The following SCN2A variants were observed in gnomAD, a reference collection of about 807,000 sequenced individuals.
The protein encoded by SCN2A is sodium channel protein type 2 subunit alpha.
In SCN2A, 20 loss-of-function variants were observed where a neutral mutation model predicts 188.7. That is an observed-to-expected ratio of 0.11 (90% CI 0.07 to 0.15). The LOEUF is 0.15. Among genes scored for constraint, SCN2A ranks in the 10% least tolerant of loss-of-function variants. The pLI is 1.00. For synonymous variants in SCN2A, 804 were observed against 833.1 expected (o/e 0.97, Z 0.60); for missense variants, 1,278 against 2,445.0 (o/e 0.52, Z 10.07).
rs1364133936 is a variant in SCN2A at position 165,392,295 on chromosome 2, T to C, written c.*2471T>C. On this transcript the variant is annotated 3_prime_UTR_variant, in exon 27 of 27. Transcript: ENST00000375437. The stretch of plus-strand genomic sequence containing the variant: ...GAAAGTTACAAAAATTAATAAAAAA[T>C]TGACTAACATTTTAAGTTGTGCATC... The C allele has an allele frequency of 1.3e-5, 2 of 152,370 alleles. No individual in the cohort carries two copies. Among genetic ancestry groups the C allele is most frequent in the Admixed American group, 1.3e-4 (2 of 15,244 alleles). The allele number at this position is 152,370 out of a possible 1,614,324, so 9.4% of individuals were successfully genotyped here. A position where few individuals can be genotyped will look rare whatever the true frequency, so the allele number is the denominator to read the frequency against.
At chr2:165,369,976 A>G in intron 19 of SCN2A, 150 bp from the exon 20 acceptor site, 1 of 668,568 alleles carries the variant, frequency 1.5e-6, no homozygotes, top group Non-Finnish European at 2.5e-6. Context: ...TTATGATCAG[A>G]TAATGATAAA....
At position 165,292,035 on chromosome 2, in the gene SCN2A, G is replaced by A. The variant is rs116719054; in HGVS notation, c.-51-3738G>A. On this transcript the variant is annotated intron_variant, in intron 1 of 26. Transcript: ENST00000375437. ...CAGCATCTAGCTGTAGGGAAGCTAC[G>A]GCTAAGAGAAGAATCTTTAGGAAAC... Among the ~76,000 whole-genome samples, 885 of 152,138 alleles carry A rather than the reference G, an allele frequency of 5.8e-3. 8 individuals carry two copies. Among genetic ancestry groups the A allele is most frequent in the African/African-American group, 0.017 (721 of 41,502 alleles).
At chr2:165,294,229 C>T in intron 1 of SCN2A, 1 of 516,530 alleles carries the variant, frequency 1.9e-6, no homozygotes, top group East Asian at 1.5e-4. Flanking sequence ...AGAGGGACCA[C>T]TTTCATTTTG....
intron 11 of SCN2A, among the ~76,000 whole-genome samples, chr2:165,318,069 G>A (rs1426402004): frequency 6.6e-6 from 1 of 152,086 alleles, no homozygotes; most frequent in East Asian, 1.9e-4. Context: ...GTATAGCAAT[G>A]GAGGGCCCAT....
At chr2:165,357,080 G>T (rs901291421) in intron 17 of SCN2A, among the ~76,000 whole-genome samples, 1 of 151,920 alleles carries the variant, frequency 6.6e-6, no homozygotes, top group Non-Finnish European at 1.5e-5. Flanking sequence ...TTTTAATTCT[G>T]GCTTTATATC....
intron 1 of SCN2A, among the ~76,000 whole-genome samples, chr2:165,260,349 G>C (rs1323373293): frequency 6.6e-6 from 1 of 152,180 alleles, no homozygotes; most frequent in African/African-American, 2.4e-5. Context: ...GAGCTCTTGA[G>C]TGACTAGGTG....
intron 11 of SCN2A, among the ~76,000 whole-genome samples, chr2:165,316,518 A>T (rs1697759514): frequency 6.6e-6 from 1 of 152,338 alleles, no homozygotes; most frequent in South Asian, 2.1e-4. Flanking sequence ...CTCAGAAGAC[A>T]TTTTCACCAG....
chr2:165,375,577 A>C (rs967782832), intron 22 of SCN2A, among the ~76,000 whole-genome samples: 4 of 151,986 alleles, frequency 2.6e-5, no homozygotes, highest in African/African-American at 9.7e-5. Context: ...GAAACTGAGA[A>C]AATGTACAAG....
chr2:165,350,473 T>C (rs1208358977), intron 16 of SCN2A, among the ~76,000 whole-genome samples: 2 of 105,808 alleles, frequency 1.9e-5, no homozygotes, highest in African/African-American at 3.6e-5. Context: ...TCTTTTTTTT[T>C]TTTTTTTTTT....
In SCN2A at chr2:165,317,766, C is replaced by T. The variant is rs1217365494; in HGVS notation, c.1671+2008C>T. On this transcript the variant is annotated intron_variant, in intron 11 of 26. Transcript: ENST00000375437. ...TATAAGCAATCACTGACTTAGAAGA[C>T]ATGGCATGGCTGGCTCATATTGATA... 2.0e-5 allele frequency among the ~76,000 whole-genome samples: 3 copies of T among 152,132 alleles called. 1 individual carries two copies. The highest frequency in any genetic ancestry group is 4.1e-4 in the South Asian group (2 of 4,834).
chr2:165,271,636 T>C (rs1286355011), intron 1 of SCN2A: 2 of 152,182 alleles, frequency 1.3e-5, no homozygotes, highest in East Asian at 3.8e-4. Context: ...ACTTTGAGTT[T>C]TGACAAATGT....
chr2:165,370,108 G>T lies in SCN2A; in HGVS notation c.3676-18G>T. ...CTGTTTCTGATCATAAAATTTAATA[G>T]AATTTTTTGACTTACAGGCCTTTGA... On this transcript the variant is annotated intron_variant, in intron 19 of 26. Transcript: ENST00000375437. The T allele has an allele frequency of 6.2e-7, 1 of 1,606,652 alleles. No homozygotes were observed. The highest frequency in any genetic ancestry group is 1.1e-5 in the South Asian group (1 of 90,842).
At chr2:165,327,039 A>G in intron 13 of SCN2A, 55 bp downstream of exon 13, 1 of 1,597,422 alleles carries the variant, frequency 6.3e-7, no homozygotes, top group Non-Finnish European at 8.6e-7. Flanking sequence ...TGATGAAAAA[A>G]CACTTCATAA....
intron 1 of SCN2A, among the ~76,000 whole-genome samples, chr2:165,256,994 T>C (rs1399438823): frequency 6.6e-6 from 1 of 152,170 alleles, no homozygotes; most frequent in Non-Finnish European, 1.5e-5. Context: ...TTTTTTAACT[T>C]TGCTCATTTA....
chr2:165,345,529 G>T (rs1484206272), intron 16 of SCN2A, among the ~76,000 whole-genome samples: 1 of 151,610 alleles, frequency 6.6e-6, no homozygotes, highest in Non-Finnish European at 1.5e-5. Context: ...TCAAAGACTA[G>T]GATTGCAAAC....
chr2:165,373,447 C>A, intron 21 of SCN2A, 100 bp downstream of exon 21: 1 of 1,324,738 alleles, frequency 7.5e-7, no homozygotes, highest in Non-Finnish European at 1.1e-6. Flanking sequence ...TTGTGTCTTA[C>A]ACATTCATAC....
intron 1 of SCN2A, among the ~76,000 whole-genome samples, chr2:165,250,943 A>T (rs1694062987): frequency 6.6e-6 from 1 of 152,074 alleles, no homozygotes; most frequent in South Asian, 2.1e-4. Context: ...AACCAAAAAA[A>T]TCTGCTTATT....
At chr2:165,296,132 T>C in intron 2 of SCN2A, 42 bp downstream of exon 2, 1 of 1,590,864 alleles carries the variant, frequency 6.3e-7, no homozygotes, top group South Asian at 1.1e-5. Flanking sequence ...TATTTACTAA[T>C]TGGTTCTGGG....
intron 8 of SCN2A, 125 bp downstream of exon 8, chr2:165,312,213 G>A: frequency 1.4e-6 from 1 of 731,324 alleles, no homozygotes; most frequent in South Asian, 1.5e-5. Context: ...CTACTTCACG[G>A]TGACTCTCAG....
Sources: gnomAD v4.1 joint callset for allele counts (sites outside exome capture counted in the v4.1 genomes callset) on GRCh38, gnomAD v4.1.1 for gene constraint, MANE v1.5 for transcripts, NCBI Gene and HGNC (gene_info 2026-07-23, HGNC 2026-07-21) for gene names.